ZNF83: variants seen among roughly 807,000 people sequenced by gnomAD.
ZNF83 encodes the protein zinc finger protein 83.
For synonymous variants in ZNF83, 209 were observed against 213.0 expected (o/e 0.98, Z 0.17); for missense variants, 552 against 629.9 (o/e 0.88, Z 1.32).
At chr19:52,626,015 A>G (rs536986008) in intron 2 of ZNF83, among the ~76,000 whole-genome samples, 27 of 152,310 alleles carry the variant, frequency 1.8e-4, no homozygotes, top group African/African-American at 5.8e-4. Context: ...TCTGCCTGCT[A>G]ATCGGACAGG....
intron 2 of ZNF83, among the ~76,000 whole-genome samples, chr19:52,627,838 C>A (rs1330206637): frequency 6.6e-6 from 1 of 152,160 alleles, no homozygotes; most frequent in African/African-American, 2.4e-5. Context: ...ATCCCGTGAC[C>A]TGCACGTACA....
chr19:52,628,553 T>TA (rs2147141643), intron 2 of ZNF83, among the ~76,000 whole-genome samples: 1 of 152,258 alleles, frequency 6.6e-6, no homozygotes, highest in Admixed American at 6.5e-5. Context: ...CCTTGGTGTT[T>TA]AATCATTGCA....
intron 3 of ZNF83, among the ~76,000 whole-genome samples, chr19:52,648,395 G>GTT (rs2061401055): frequency 6.6e-6 from 1 of 151,888 alleles, no homozygotes; most frequent in African/African-American, 2.4e-5. Context: ...TGTCCAAAAA[G>GTT]CTAAGGCTAA....
chr19:52,647,615 T>C (rs2061389055), intron 3 of ZNF83, among the ~76,000 whole-genome samples: 1 of 151,824 alleles, frequency 6.6e-6, no homozygotes, highest in South Asian at 2.1e-4. Flanking sequence ...CCCTCCCTAA[T>C]TCTGTAAATA....
chr19:52,680,501 A>G (rs531287640), intron 1 of ZNF83, among the ~76,000 whole-genome samples: 1 of 152,288 alleles, frequency 6.6e-6, no homozygotes, highest in African/African-American at 2.4e-5. Flanking sequence ...AAAAGAGAAA[A>G]TAAGTACTAA....
At chr19:52,681,729 C>G (rs923834384) in intron 1 of ZNF83, among the ~76,000 whole-genome samples, 1 of 152,200 alleles carries the variant, frequency 6.6e-6, no homozygotes. Context: ...CAAAACTAAA[C>G]TGACACAGGT....
chr19:52,647,115 TG>T (rs1202727705), intron 3 of ZNF83, among the ~76,000 whole-genome samples: 7 of 151,844 alleles, frequency 4.6e-5, no homozygotes, highest in African/African-American at 1.7e-4. Flanking sequence ...TAACAGAAAG[TG>T]GTTTTTTTCC....
At chr19:52,654,542 C>A (rs1343399442) in intron 3 of ZNF83, 2 of 437,100 alleles carry the variant, frequency 4.6e-6, no homozygotes, top group African/African-American at 2.1e-5. Flanking sequence ...TTTAAGAACA[C>A]CCTGTCTCTA....
At chr19:52,646,702 G>C (rs1228147030) in intron 3 of ZNF83, among the ~76,000 whole-genome samples, 1 of 152,102 alleles carries the variant, frequency 6.6e-6, no homozygotes, top group African/African-American at 2.4e-5. Flanking sequence ...TAAGAAACTG[G>C]ATACATCCCC....
intron 2 of ZNF83, among the ~76,000 whole-genome samples, chr19:52,633,083 CCT>C (rs1259896502): frequency 2.6e-5 from 4 of 152,296 alleles, no homozygotes; most frequent in Non-Finnish European, 4.4e-5. Flanking sequence ...CATCATATCC[CCT>C]GTGACCTGCA....
chr19:52,680,901 C>T (rs1438504808), intron 1 of ZNF83, among the ~76,000 whole-genome samples: 5 of 151,266 alleles, frequency 3.3e-5, no homozygotes, highest in South Asian at 2.1e-4. Flanking sequence ...CGTGAGCCAC[C>T]GCGCCCGGCC....
intron 1 of ZNF83, among the ~76,000 whole-genome samples, chr19:52,686,965 T>C (rs2062027178): frequency 6.6e-6 from 1 of 151,962 alleles, no homozygotes; most frequent in South Asian, 2.1e-4. Context: ...GCAGATCACC[T>C]GAGGTCAGGA....
chr19:52,685,146 G>A (rs1391325699), intron 1 of ZNF83, among the ~76,000 whole-genome samples: 1 of 152,142 alleles, frequency 6.6e-6, no homozygotes, highest in Non-Finnish European at 1.5e-5. Context: ...CAGAAGAAAA[G>A]CCACACCCAG....
At chr19:52,653,392 C>A in intron 3 of ZNF83, 1 of 967,622 alleles carries the variant, frequency 1.0e-6, no homozygotes. Flanking sequence ...ACATTCATTA[C>A]ATGTGTAAGG....
At chr19:52,615,901 C>T (rs1335260007) in intron 2 of ZNF83, among the ~76,000 whole-genome samples, 12 of 152,148 alleles carry the variant, frequency 7.9e-5, no homozygotes, top group Admixed American at 2.0e-4. Flanking sequence ...TGCAATGGCA[C>T]GACCTCGGCT....
At chr19:52,658,684 G>C (rs769363468) in intron 2 of ZNF83, among the ~76,000 whole-genome samples, 1 of 152,150 alleles carries the variant, frequency 6.6e-6, no homozygotes, top group Admixed American at 6.5e-5. Flanking sequence ...GAAGGCACCC[G>C]GTTCTTACCT....
chr19:52,664,844 C>T (rs114177169), intron 1 of ZNF83, among the ~76,000 whole-genome samples: 5,009 of 151,828 alleles, frequency 0.033, 289 homozygotes, highest in African/African-American at 0.11. Context: ...TCTCACTCTC[C>T]GTGTTTCTGT....
At chr19:52,678,922 C>T (rs540575714) in intron 1 of ZNF83, among the ~76,000 whole-genome samples, 1 of 150,814 alleles carries the variant, frequency 6.6e-6, no homozygotes, top group African/African-American at 2.5e-5. Flanking sequence ...TTGCAGTGAG[C>T]TGAGATCACA....
intron 1 of ZNF83, among the ~76,000 whole-genome samples, chr19:52,677,993 CCACTG>C (rs1390094108): frequency 6.6e-6 from 1 of 151,684 alleles, no homozygotes; most frequent in Non-Finnish European, 1.5e-5. Flanking sequence ...CAAGATTGCA[CCACTG>C]CACTACAACC....
Sources: allele counts gnomAD v4.1 joint callset (sites outside exome capture counted in the v4.1 genomes callset), GRCh38; gene constraint gnomAD v4.1.1; transcripts MANE v1.5; gene names NCBI Gene and HGNC (gene_info 2026-07-23, HGNC 2026-07-21).